SRFBP1: variants seen among roughly 807,000 people sequenced by gnomAD.
SRFBP1 encodes the protein serum response factor-binding protein 1.
SRFBP1 carries 47 observed loss-of-function variants against 45.5 expected under a neutral mutation model. The observed-to-expected ratio is 1.03, with a 90% CI of 0.82 to 1.32. The LOEUF is 1.32. Among genes scored for constraint, SRFBP1 ranks in the 40% most tolerant of loss-of-function variants. The pLI is 0.00. For synonymous variants in SRFBP1, 203 were observed against 166.3 expected (o/e 1.22, Z -1.70); for missense variants, 621 against 484.6 (o/e 1.28, Z -2.64).
At chr5:121,974,461 C>G (rs1752262624) in intron 2 of SRFBP1, among the ~76,000 whole-genome samples, 177 bp downstream of exon 2, 1 of 151,858 alleles carries the variant, frequency 6.6e-6, no homozygotes, top group South Asian at 2.1e-4. Context: ...TCAGCATGCC[C>G]TTCTATGGTT....
downstream of SRFBP1, chr5:122,077,508 G>T: frequency 1.2e-6 from 2 of 1,613,664 alleles, no homozygotes; most frequent in Non-Finnish European, 1.7e-6. The surrounding 1 kb of genome is among the most constrained non-coding windows in gnomAD (Gnocchi z 4.9). Flanking sequence ...ACGCGGCTGG[G>T]CGGCCGCAGG....
intron 4 of SRFBP1, among the ~76,000 whole-genome samples, chr5:122,018,322 A>G (rs914375427): frequency 2.0e-5 from 3 of 152,106 alleles, no homozygotes; most frequent in Admixed American, 6.5e-5. Context: ...ATGTTGGTCC[A>G]GGTGAGAGGT....
intron 3 of SRFBP1, 51 bp downstream of exon 3, chr5:121,975,438 A>G: frequency 6.3e-7 from 1 of 1,598,678 alleles, no homozygotes; most frequent in Non-Finnish European, 8.6e-7. Flanking sequence ...GTATCCTGTT[A>G]TCCTGCATTT....
At chr5:122,050,260 T>C (rs1753946380) in intron 2 of SRFBP1, among the ~76,000 whole-genome samples, 1 of 152,134 alleles carries the variant, frequency 6.6e-6, no homozygotes, top group African/African-American at 2.4e-5. Flanking sequence ...TAGCCTCATA[T>C]AATGAGCTGA....
chr5:122,019,987 C>A, intron 5 of SRFBP1, 101 bp from the exon 6 acceptor site: 1 of 725,732 alleles, frequency 1.4e-6, no homozygotes, highest in East Asian at 3.0e-5. Context: ...TCCAACTGCC[C>A]TCTTAAATCT....
At chr5:122,059,983 G>C (rs747941614) in intron 2 of SRFBP1, among the ~76,000 whole-genome samples, 89 of 151,988 alleles carry the variant, frequency 5.9e-4, no homozygotes, top group Non-Finnish European at 1.1e-3. Flanking sequence ...CTCCTTTTTG[G>C]AACTCCAGTG....
chr5:122,069,677 C>A (rs1427605616), intron 2 of SRFBP1, among the ~76,000 whole-genome samples: 1 of 152,044 alleles, frequency 6.6e-6, no homozygotes, highest in African/African-American at 2.4e-5. Flanking sequence ...CTTTGAAGAA[C>A]CCTAGCAATT....
intron 4 of SRFBP1, among the ~76,000 whole-genome samples, chr5:122,010,054 T>TATA (rs1215796163): frequency 6.6e-6 from 1 of 152,128 alleles, no homozygotes; most frequent in Non-Finnish European, 1.5e-5. Context: ...TAGTAATAAG[T>TATA]ATAAGCACTG....
intron 3 of SRFBP1, among the ~76,000 whole-genome samples, chr5:121,989,283 G>A (rs1439321669): frequency 6.6e-6 from 1 of 151,916 alleles, no homozygotes; most frequent in Non-Finnish European, 1.5e-5. Context: ...GTCCAGGATG[G>A]TCTCGATCTC....
Position 121,975,387 on chromosome 5 carries a change from G to A in SRFBP1, c.198G>A (p.Lys66=). ...QRLLEEIHAM[K]ELKPDIVTKS... is the part of the protein sequence containing the mutation. ...TGCTTGAAGAAATCCATGCCATGAA[G>A]GTAAGGACTTGTGTGGGTGTGTATG... The change falls in exon 3 of 8, where the codon AAG becomes AAA. Residue 66 remains lysine (K), a splice_region_variant and synonymous_variant. Transcript: ENST00000339397. 1 of 1,613,112 alleles carries A rather than the reference G, an allele frequency of 6.2e-7. No homozygotes were observed. Among genetic ancestry groups the A allele is most frequent in the Non-Finnish European group, 8.5e-7 (1 of 1,179,300 alleles).
chr5:122,033,654 TCA>T (rs1216833225), intron 2 of SRFBP1, among the ~76,000 whole-genome samples: 1 of 151,426 alleles, frequency 6.6e-6, no homozygotes, highest in Non-Finnish European at 1.5e-5. Context: ...AGATGGCGTT[TCA>T]CCGTGTTGGC....
At position 122,020,612 on chromosome 5, in the gene SRFBP1, A is replaced by C; in HGVS notation, c.877A>C (p.Thr293Pro). The change falls in exon 6 of 8, where the codon ACA (threonine) becomes CCA (proline). Residue 293 changes from threonine to proline, a missense_variant. By Grantham distance (38) the Thr-to-Pro change is conservative. Coordinates refer to ENST00000339397, the MANE Select transcript of SRFBP1 (RefSeq NM_152546.3). ...CTTCTTCATTGGGAAAGTCAGACGG[A>C]CACGAAAGAAGGAAAGTAGTTGTCA... is the stretch of plus-strand genomic sequence containing the variant. Reference protein sequence around the residue: ...DDFFIGKVRRTRKKESSCHSS... With the variant: ...DDFFIGKVRRPRKKESSCHSS... 6 of 1,613,854 alleles carry C rather than the reference A, an allele frequency of 3.7e-6. No homozygotes were observed. The highest frequency in any genetic ancestry group is 3.3e-5 in the South Asian group (3 of 90,972).
intron 3 of SRFBP1, among the ~76,000 whole-genome samples, chr5:121,985,487 T>G (rs1326698142): frequency 6.6e-6 from 1 of 152,002 alleles, no homozygotes. Flanking sequence ...AGAGATTAAC[T>G]GGTGTGTTTT....
chr5:122,024,790 C>T (rs913346063), intron 7 of SRFBP1, among the ~76,000 whole-genome samples: 1 of 152,088 alleles, frequency 6.6e-6, no homozygotes, highest in Non-Finnish European at 1.5e-5. Flanking sequence ...ATGAGACTAT[C>T]CAAATAAAGG....
chr5:121,991,352 A>G (rs1752617579), intron 3 of SRFBP1, among the ~76,000 whole-genome samples: 1 of 152,120 alleles, frequency 6.6e-6, no homozygotes, highest in Non-Finnish European at 1.5e-5. Flanking sequence ...ATTCTCCCTT[A>G]AAAAATAGAT....
intron 3 of SRFBP1, among the ~76,000 whole-genome samples, chr5:121,975,727 A>G (rs1371735830): frequency 6.6e-6 from 1 of 151,990 alleles, no homozygotes; most frequent in Non-Finnish European, 1.5e-5. Context: ...TCTTCATGCT[A>G]TTTGGGAATG....
chr5:122,047,422 C>T (rs1753883675), intron 2 of SRFBP1, among the ~76,000 whole-genome samples: 1 of 152,110 alleles, frequency 6.6e-6, no homozygotes, highest in African/African-American at 2.4e-5. Context: ...GTTTTGGTAC[C>T]AGTACCATGC....
At chr5:122,002,664 A>G (rs751467611) in intron 4 of SRFBP1, among the ~76,000 whole-genome samples, 4 of 152,206 alleles carry the variant, frequency 2.6e-5, no homozygotes, top group Non-Finnish European at 5.9e-5. Flanking sequence ...AAATTGTTGA[A>G]TATTAGAGTT....
At chr5:121,971,390 C>A (rs1163494473) in intron 1 of SRFBP1, among the ~76,000 whole-genome samples, 2 of 151,816 alleles carry the variant, frequency 1.3e-5, no homozygotes, top group Admixed American at 1.3e-4. Context: ...CTCTAAAGAC[C>A]TTTAGGTGTA....
Sources: allele counts gnomAD v4.1 joint callset (sites outside exome capture counted in the v4.1 genomes callset), GRCh38; gene constraint gnomAD v4.1.1; non-coding constraint Gnocchi (gnomAD v3.1); transcripts MANE v1.5; gene names NCBI Gene and HGNC (gene_info 2026-07-23, HGNC 2026-07-21).